AGK: variants seen among roughly 807,000 people sequenced by gnomAD.
The protein encoded by AGK is acylglycerol kinase, mitochondrial.
Under a neutral mutation model 66.4 loss-of-function variants are expected in AGK, and 52 were observed. The ratio of observed to expected loss-of-function variants is 0.78; its 90% confidence interval spans 0.63 to 0.99. The LOEUF (loss-of-function observed/expected upper bound fraction) is 0.99. Among genes scored for constraint, AGK ranks in the 50% least tolerant of loss-of-function variants. The pLI is 0.00. For synonymous variants in AGK, 182 were observed against 181.1 expected (o/e 1.00, Z -0.04); for missense variants, 451 against 506.6 (o/e 0.89, Z 1.05).
chr7:141,629,243 G>A (rs767633256), intron 9 of AGK, among the ~76,000 whole-genome samples: 39 of 151,970 alleles, frequency 2.6e-4, no homozygotes, highest in African/African-American at 7.0e-4. Context: ...TTCCTTAAGC[G>A]TTTATTCCAA....
At chr7:141,602,481 G>A (rs1796369293) in intron 5 of AGK, among the ~76,000 whole-genome samples, 1 of 151,828 alleles carries the variant, frequency 6.6e-6, no homozygotes, top group Non-Finnish European at 1.5e-5. Flanking sequence ...TTGACATCAG[G>A]TTGTTCATAA....
intron 2 of AGK, among the ~76,000 whole-genome samples, chr7:141,565,618 A>G (rs1208163545): frequency 6.6e-6 from 1 of 151,960 alleles, no homozygotes; most frequent in Non-Finnish European, 1.5e-5. Flanking sequence ...TGCCTGGGTG[A>G]CAAAGAGAGA....
intron 6 of AGK, among the ~76,000 whole-genome samples, chr7:141,612,686 C>A (rs1418091394): frequency 6.6e-6 from 1 of 152,060 alleles, no homozygotes; most frequent in Non-Finnish European, 1.5e-5. Context: ...TTGCTGTGAG[C>A]CTAAAACTAC....
chr7:141,652,432 A>G (rs532431351), intron 15 of AGK: 23 of 170,430 alleles, frequency 1.3e-4, no homozygotes, highest in Middle Eastern at 2.9e-3. Context: ...TTAGCATAAT[A>G]TAGAAAGACT....
intron 1 of AGK, among the ~76,000 whole-genome samples, chr7:141,553,762 T>A (rs1795148673): frequency 6.6e-6 from 1 of 152,204 alleles, no homozygotes; most frequent in South Asian, 2.1e-4. Flanking sequence ...ATGGTCTCCC[T>A]GGCACTGGCT....
At chr7:141,629,034 T>C (rs1205606726) in intron 9 of AGK, among the ~76,000 whole-genome samples, 1 of 152,224 alleles carries the variant, frequency 6.6e-6, no homozygotes. Flanking sequence ...CCCTTTTCCC[T>C]ATTTGCCATT....
At chr7:141,611,513 A>T (rs1796588988) in intron 6 of AGK, among the ~76,000 whole-genome samples, 2 of 152,124 alleles carry the variant, frequency 1.3e-5, no homozygotes, top group South Asian at 4.1e-4. Context: ...TTGTATTATC[A>T]TATTTAAGTT....
rs139436925 is a variant in AGK, at chr7:141,647,774, G to A, written c.976-1489G>A. Among the ~76,000 whole-genome samples, 934 of 152,226 alleles carry A rather than the reference G, an allele frequency of 6.1e-3. 11 individuals are homozygous for A. Among genetic ancestry groups the A allele is most frequent in the African/African-American group, 0.019 (783 of 41,552 alleles). ...CAATCTCTGCCTCCTGGGTTCTAGC[G>A]ATTCTCCCGCCTCAGCCTCCCGAGT... On this transcript the variant is annotated intron_variant, in intron 13 of 15. Transcript: ENST00000649286.
intron 9 of AGK, among the ~76,000 whole-genome samples, chr7:141,627,692 T>G (rs1213862602): frequency 6.6e-6 from 1 of 152,232 alleles, no homozygotes; most frequent in Non-Finnish European, 1.5e-5. Context: ...ATGGGATGGC[T>G]ATGCTGAAAT....
intron 2 of AGK, among the ~76,000 whole-genome samples, chr7:141,568,302 C>T (rs543783670): frequency 1.3e-5 from 2 of 152,326 alleles, no homozygotes; most frequent in African/African-American, 4.8e-5. Flanking sequence ...TGTCGGAAGC[C>T]TTTTCCATCT....
At chr7:141,611,589 G>T (rs536956538) in intron 6 of AGK, among the ~76,000 whole-genome samples, 1 of 152,208 alleles carries the variant, frequency 6.6e-6, no homozygotes, top group South Asian at 2.1e-4. Flanking sequence ...ATATTTTGAA[G>T]ACTCTTATGA....
At chr7:141,650,904 A>C (rs181508333) in intron 14 of AGK, among the ~76,000 whole-genome samples, 1 of 152,162 alleles carries the variant, frequency 6.6e-6, no homozygotes. Flanking sequence ...GATTACTTAT[A>C]ATACTCAATA....
At chr7:141,561,428 C>T (rs937642282) in intron 2 of AGK, among the ~76,000 whole-genome samples, 4 of 152,124 alleles carry the variant, frequency 2.6e-5, no homozygotes, top group South Asian at 2.1e-4. Context: ...ATGCCAACAT[C>T]TGTTATTTTT....
chr7:141,609,977 T>G (rs1000216213), intron 5 of AGK, among the ~76,000 whole-genome samples: 14 of 151,896 alleles, frequency 9.2e-5, no homozygotes, highest in African/African-American at 2.9e-4. Context: ...TTTTGTTTTT[T>G]TTTTTTCCTG....
intron 6 of AGK, among the ~76,000 whole-genome samples, chr7:141,612,998 C>T (rs1587128150): frequency 6.6e-6 from 1 of 152,134 alleles, no homozygotes; most frequent in Admixed American, 6.5e-5. Context: ...CTATGTTTGA[C>T]TTAGTCATTA....
intron 9 of AGK, among the ~76,000 whole-genome samples, chr7:141,628,863 A>G (rs1347079389): frequency 6.6e-6 from 1 of 152,258 alleles, no homozygotes; most frequent in Non-Finnish European, 1.5e-5. Flanking sequence ...CCATATAGAC[A>G]TCTATGATGC....
chr7:141,652,859 A>C lies in AGK; in HGVS notation c.1204A>C (p.Arg402=), dbSNP rs1441940250. 6.2e-7 allele frequency: 1 copy of C among 1,613,964 alleles called. No homozygotes were observed. The highest frequency in any genetic ancestry group is 8.5e-7 in the Non-Finnish European group (1 of 1,179,994). The change falls in exon 16 of 16, where the codon AGG becomes CGG. Residue 402 remains arginine, a synonymous_variant. Coordinates refer to ENST00000649286, the MANE Select transcript of AGK (RefSeq NM_018238.4). ...GCCTGTGGAGGTGAAACTGCTCCCC[A>C]GGAAGCTGCAGTTCTTCTGTGATCC... is the stretch of plus-strand genomic sequence containing the variant. ...AMPVEVKLLP[R]KLQFFCDPRK... is the part of the protein sequence containing the mutation.
At chr7:141,640,982 C>G (rs1797275101) in intron 11 of AGK, among the ~76,000 whole-genome samples, 1 of 152,046 alleles carries the variant, frequency 6.6e-6, no homozygotes, top group South Asian at 2.1e-4. Context: ...TCTTTTTGGA[C>G]AAATGTAAAT....
chr7:141,637,121 G>T, intron 11 of AGK, 104 bp downstream of exon 11: 1 of 880,672 alleles, frequency 1.1e-6, no homozygotes. Flanking sequence ...AGATGAATGT[G>T]GCATGCTTCA....
Sources: allele counts gnomAD v4.1 joint callset (sites outside exome capture counted in the v4.1 genomes callset), GRCh38; gene constraint gnomAD v4.1.1; transcripts MANE v1.5; gene names NCBI Gene and HGNC (gene_info 2026-07-23, HGNC 2026-07-21).